RASA2: variants seen among roughly 807,000 people sequenced by gnomAD.
The protein encoded by RASA2 is ras GTPase-activating protein 2.
RASA2 carries 155 observed loss-of-function variants against 118.2 expected under a neutral mutation model. The ratio of observed to expected loss-of-function variants is 1.31; its 90% confidence interval spans 1.15 to 1.50. The LOEUF is 1.50. Ranked by LOEUF, RASA2 falls within the 40% of genes most tolerant of loss-of-function variation. The pLI is 0.00. For synonymous variants in RASA2, 353 were observed against 349.1 expected (o/e 1.01, Z -0.12); for missense variants, 1,016 against 1,009.6 (o/e 1.01, Z -0.09).
intron 3 of RASA2, among the ~76,000 whole-genome samples, chr3:141,520,011 CTTTTTT>C (rs559634060): frequency 5.5e-5 from 6 of 109,780 alleles, no homozygotes; most frequent in South Asian, 3.0e-4. Flanking sequence ...TTCTTTTTCT[CTTTTTT>C]TTTTTTTTTT....
intron 4 of RASA2, among the ~76,000 whole-genome samples, chr3:141,530,727 C>CTTAATTTTAAGT (rs1232967144): frequency 2.6e-5 from 4 of 152,102 alleles, no homozygotes; most frequent in Non-Finnish European, 1.5e-5. Context: ...AGTACTTATG[C>CTTAATTTTAAGT]ACTAACCCCC....
At chr3:141,570,420 A>G (rs2082899787) in intron 9 of RASA2, among the ~76,000 whole-genome samples, 2 of 152,094 alleles carry the variant, frequency 1.3e-5, no homozygotes, top group South Asian at 4.1e-4. Flanking sequence ...GGGTTTCACC[A>G]TGGTGGCCAG....
chr3:141,612,513 C>G lies in RASA2; in HGVS notation c.*200C>G, dbSNP rs1333237901. On this transcript the variant is annotated 3_prime_UTR_variant, in exon 24 of 24. Transcript: ENST00000286364. The stretch of plus-strand genomic sequence containing the variant: ...TGATGTATTACTAGAGAATTTAAAG[C>G]CCAAGATTCCCTTCATACCTGTGTG... 6.2e-6 allele frequency: 3 copies of G among 486,322 alleles called. No homozygotes were observed. Among genetic ancestry groups the G allele is most frequent in the Non-Finnish European group, 1.1e-5 (3 of 272,830 alleles). The allele number at this position is 486,322 out of a possible 1,614,324, so 30.1% of individuals were successfully genotyped here. A position where few individuals can be genotyped will look rare whatever the true frequency, so the allele number is the denominator to read the frequency against.
In RASA2 at chr3:141,487,143, G is replaced by C; in HGVS notation, c.60G>C (p.Ala20=). 1.4e-6 allele frequency: 2 copies of C among 1,456,510 alleles called. No individual in the cohort carries two copies. The highest frequency in any genetic ancestry group is 1.8e-6 in the Non-Finnish European group (2 of 1,096,542). 90.2% of individuals were successfully genotyped at this position (1,456,510 alleles called of 1,614,324 possible). ...AASSEAPAAS[A]TAEPEAGDQD... ...CTTCCGAGGCGCCAGCGGCGAGTGCGACTGCAGAGCCCGAGGCCGGGGACC... is the reference window on the plus strand; with the variant it reads ...CTTCCGAGGCGCCAGCGGCGAGTGCCACTGCAGAGCCCGAGGCCGGGGACC... The change falls in exon 1 of 24, where the codon GCG becomes GCC. Residue 20 remains alanine (A), a synonymous_variant. Transcript: ENST00000286364.
chr3:141,603,912 CAG>C (rs1166149390), intron 19 of RASA2, among the ~76,000 whole-genome samples: 1 of 152,218 alleles, frequency 6.6e-6, no homozygotes. Context: ...TAGCATGAAT[CAG>C]TACTTTATTT....
chr3:141,534,762 A>G (rs889795355), intron 4 of RASA2, among the ~76,000 whole-genome samples: 3 of 151,416 alleles, frequency 2.0e-5, no homozygotes, highest in African/African-American at 7.4e-5. Context: ...TTTTAACTTC[A>G]TTTTAAATTT....
Position 141,504,097 on chromosome 3 carries a change from G to T in RASA2, c.134-8066G>T, listed in dbSNP as rs576993929. ...TATTTTATGCTAAGGATGGTGCTAA[G>T]AATTGGTCCCCTTCCTCAAGAAGTT... On this transcript the variant is annotated intron_variant, in intron 1 of 23. Transcript: ENST00000286364. Among the ~76,000 whole-genome samples the T allele has an allele frequency of 2.6e-5, 4 of 152,314 alleles. No homozygotes were observed. In the South Asian group the frequency reaches 6.2e-4, roughly 24 times the overall value.
chr3:141,606,191 C>T (rs2083545853), intron 19 of RASA2, among the ~76,000 whole-genome samples: 1 of 152,176 alleles, frequency 6.6e-6, no homozygotes, highest in African/African-American at 2.4e-5. Flanking sequence ...TTGCAGATGT[C>T]TTATTGTACA....
intron 15 of RASA2, chr3:141,578,468 A>G (rs2083048175): frequency 6.6e-6 from 1 of 152,034 alleles, no homozygotes; most frequent in Non-Finnish European, 1.5e-5. Context: ...TTTTAGAGTT[A>G]AACCAGGTTC....
chr3:141,580,085 A>AT (rs1353911779), intron 15 of RASA2, among the ~76,000 whole-genome samples: 786 of 59,580 alleles, frequency 0.013, 9 homozygotes, highest in Non-Finnish European at 0.016. Context: ...AAAAAAAAAA[A>AT]ATATATATAT....
chr3:141,612,532 C>T lies in RASA2; in HGVS notation c.*219C>T. 2.4e-6 allele frequency: 1 copy of T among 417,006 alleles called. No individual in the cohort carries two copies. The highest frequency in any genetic ancestry group is 4.3e-6 in the Non-Finnish European group (1 of 230,112). The allele number at this position is 417,006 out of a possible 1,614,324, so 25.8% of individuals were successfully genotyped here. A position where few individuals can be genotyped will look rare whatever the true frequency, so the allele number is the denominator to read the frequency against. ...TTAAAGCCCAAGATTCCCTTCATACCTGTGTGACCAAATCCATGTTTCTGC... is the reference window on the plus strand; with the variant it reads ...TTAAAGCCCAAGATTCCCTTCATACTTGTGTGACCAAATCCATGTTTCTGC... On this transcript the variant is annotated 3_prime_UTR_variant, in exon 24 of 24. Transcript: ENST00000286364.
intron 5 of RASA2, among the ~76,000 whole-genome samples, chr3:141,552,212 C>T (rs564244559): frequency 2.0e-5 from 3 of 151,756 alleles, no homozygotes; most frequent in African/African-American, 7.2e-5. Flanking sequence ...TTTTCCTCTG[C>T]TTTTTTTTAT....
chr3:141,547,795 A>T (rs2151108705), intron 5 of RASA2, among the ~76,000 whole-genome samples: 3 of 152,284 alleles, frequency 2.0e-5, no homozygotes, highest in Admixed American at 2.0e-4. Context: ...GTTGTTCCCC[A>T]TTCAGTATGA....
intron 19 of RASA2, among the ~76,000 whole-genome samples, chr3:141,594,919 A>G (rs961768095): frequency 1.3e-5 from 2 of 152,120 alleles, no homozygotes; most frequent in African/African-American, 2.4e-5. Context: ...TCGATGCAAA[A>G]TGTATAACAT....
At chr3:141,586,232 A>G (rs1038055669) in intron 18 of RASA2, 134 bp downstream of exon 18, 1 of 743,948 alleles carries the variant, frequency 1.3e-6, no homozygotes, top group Non-Finnish European at 2.1e-6. Context: ...GCAGTCAGGT[A>G]AGTCGCCTTT....
At chr3:141,547,221 T>A (rs1233196482) in intron 5 of RASA2, among the ~76,000 whole-genome samples, 1 of 152,200 alleles carries the variant, frequency 6.6e-6, no homozygotes, top group African/African-American at 2.4e-5. Flanking sequence ...GATTTTTTTT[T>A]TCTATTTCTG....
At chr3:141,580,081 AAAAAATAT>A (rs2083081707) in intron 15 of RASA2, among the ~76,000 whole-genome samples, 3 of 95,606 alleles carry the variant, frequency 3.1e-5, no homozygotes, top group African/African-American at 1.2e-4. Context: ...AAAAAAAAAA[AAAAAATAT>A]ATATATATAT....
intron 1 of RASA2, among the ~76,000 whole-genome samples, chr3:141,493,647 A>C (rs912210602): frequency 3.3e-5 from 5 of 152,190 alleles, no homozygotes; most frequent in African/African-American, 1.2e-4. Context: ...TTACAGTGAG[A>C]TTTTAGTTTG....
intron 12 of RASA2, among the ~76,000 whole-genome samples, 159 bp downstream of exon 12, chr3:141,572,882 T>G (rs2082947004): frequency 6.6e-6 from 1 of 152,204 alleles, no homozygotes; most frequent in African/African-American, 2.4e-5. Flanking sequence ...GTCAATGGAT[T>G]TTTACTCAAA....
Sources: gnomAD v4.1 joint callset for allele counts (sites outside exome capture counted in the v4.1 genomes callset) on GRCh38, gnomAD v4.1.1 for gene constraint, MANE v1.5 for transcripts, NCBI Gene and HGNC (gene_info 2026-07-23, HGNC 2026-07-21) for gene names.